The following TLN2 variants were observed in gnomAD, a reference collection of about 807,000 sequenced individuals.
TLN2 encodes talin 2, also known as talin-2.
A neutral mutation model predicts 294.7 loss-of-function variants in TLN2; 118 were observed. The observed-to-expected ratio is 0.40, with a 90% CI of 0.34 to 0.47. TLN2 has a LOEUF of 0.47. TLN2 is among the 20% of genes least tolerant of loss of function. The pLI is 0.84. For missense variants in TLN2, 3,083 were observed against 3,282.2 expected (o/e 0.94, Z 1.48); for synonymous variants, 1,431 against 1,304.5 (o/e 1.10, Z -2.09).
Position 62,686,661 on chromosome 15 carries a change from C to G in TLN2, c.978C>G (p.Asn326Lys). 1.2e-6 allele frequency: 2 copies of G among 1,613,534 alleles called. No homozygotes were observed. Among genetic ancestry groups the G allele is most frequent in the Non-Finnish European group, 1.7e-6 (2 of 1,179,732 alleles). The change falls in exon 12 of 59, where the codon AAC (asparagine) becomes AAG (lysine). Residue 326 changes from asparagine to lysine, a missense_variant. By Grantham distance (94) the Asn-to-Lys change is moderately conservative. Transcript: ENST00000636159. Reference protein sequence around the residue: ...FLVKEKMKGKNKLVPRLLGIT... With the variant: ...FLVKEKMKGKKKLVPRLLGIT... ...TTCAGGAGAAGATGAAAGGCAAGAACAAGCTGGTGCCTCGCCTGCTGGGGA... is the reference window on the plus strand; with the variant it reads ...TTCAGGAGAAGATGAAAGGCAAGAAGAAGCTGGTGCCTCGCCTGCTGGGGA...
intron 14 of TLN2, among the ~76,000 whole-genome samples, chr15:62,695,872 C>T (rs2058292200): frequency 6.6e-6 from 1 of 152,166 alleles, no homozygotes. Flanking sequence ...GCTTTGCTTC[C>T]CATAGGAGCG....
intron 10 of TLN2, among the ~76,000 whole-genome samples, chr15:62,674,853 T>C (rs1286293633): frequency 3.9e-5 from 6 of 152,220 alleles, no homozygotes; most frequent in Non-Finnish European, 1.5e-5. Context: ...AAGAACTTTT[T>C]CTTGGTATCA....
rs776254962 is a variant in TLN2, at chr15:62,835,965, G to A, written c.7266G>A (p.Glu2422=). The A allele has an allele frequency of 1.5e-5, 25 of 1,614,062 alleles. No individual in the cohort carries two copies. The highest frequency in any genetic ancestry group is 3.3e-5 in the South Asian group (3 of 91,078). The stretch of plus-strand genomic sequence containing the variant: ...CCTCCGTTCAGGGACACGCCAGCGA[G>A]GAGAAGCTCATCTCATCTGCCAAGC... ...ANASVQGHAS[E]EKLISSAKQV... The change falls in exon 57 of 59, where the codon GAG becomes GAA. Residue 2422 remains glutamate, a synonymous_variant. Coordinates refer to ENST00000636159, the MANE Select transcript of TLN2 (RefSeq NM_015059.3).
At chr15:62,486,452 GTTT>G (rs34975634) in intron 1 of TLN2, among the ~76,000 whole-genome samples, 7 of 93,286 alleles carry the variant, frequency 7.5e-5, no homozygotes, top group African/African-American at 2.5e-4. Flanking sequence ...CAGTTCCTTT[GTTT>G]TTTTTTTTTT....
chr15:62,675,336 A>G lies in TLN2; in HGVS notation c.957+15A>G, dbSNP rs1486586432. 1.2e-6 allele frequency: 2 copies of G among 1,612,992 alleles called. No homozygotes were observed. The highest frequency in any genetic ancestry group is 2.7e-5 in the African/African-American group (2 of 74,914). On this transcript the variant is annotated intron_variant, in intron 11 of 58. Transcript: ENST00000636159. ...TCCTGGTGAAGGTGAGTTGGGCAGAATGGGGAGAGTGTTCACCTTGGCCCC... is the reference window on the plus strand; with the variant it reads ...TCCTGGTGAAGGTGAGTTGGGCAGAGTGGGGAGAGTGTTCACCTTGGCCCC...
chr15:62,759,046 T>C (rs59334875), intron 37 of TLN2, among the ~76,000 whole-genome samples: 22,233 of 152,068 alleles, frequency 0.15, 2,226 homozygotes, highest in African/African-American at 0.25. Context: ...GGCTTGGGAG[T>C]GTTCTTGTTC....
At chr15:62,417,137 A>G (rs1243367289) in intron 1 of TLN2, among the ~76,000 whole-genome samples, 1 of 152,100 alleles carries the variant, frequency 6.6e-6, no homozygotes, top group African/African-American at 2.4e-5. Flanking sequence ...CCTCCTCCCC[A>G]AGGCATGAAG....
rs146288525 is a variant in TLN2, at chr15:62,651,641, T to C, written c.235-364T>C. Among the ~76,000 whole-genome samples the C allele has an allele frequency of 4.9e-3, 745 of 152,114 alleles. 13 individuals carry two copies. Among genetic ancestry groups the C allele is most frequent in the African/African-American group, 0.017 (718 of 41,494 alleles). ...GGAAGAAATGCAGGTATGTTGACCA[T>C]TAAAATAGGAGAAGTGCAGGGCGGC... On this transcript the variant is annotated intron_variant, in intron 5 of 58. Coordinates refer to ENST00000636159, the MANE Select transcript of TLN2 (RefSeq NM_015059.3).
Position 62,738,289 on chromosome 15 carries a change from T to C in TLN2, c.3643T>C (p.Leu1215=). 6.2e-7 allele frequency: 1 copy of C among 1,614,182 alleles called. No homozygotes were observed. Among genetic ancestry groups the C allele is most frequent in the Admixed American group, 1.7e-5 (1 of 60,032 alleles). The change falls in exon 30 of 59, where the codon TTG becomes CTG. Residue 1215 remains leucine, a synonymous_variant. Transcript: ENST00000636159. ...TGGGCAGAAGGATGTGGACGTGGCC[T>C]TGAAGAGCATCGGGGAGTCCAGCAA... The part of the protein sequence containing the change: ...LPGQKDVDVA[L]KSIGESSKKL...
At chr15:62,551,591 C>G (rs1353935311) in intron 1 of TLN2, among the ~76,000 whole-genome samples, 1 of 151,962 alleles carries the variant, frequency 6.6e-6, no homozygotes, top group African/African-American at 2.4e-5. Flanking sequence ...CCCAGCTACT[C>G]GGGAGGCTAA....
chr15:62,402,671 A>G (rs917280664), intron 1 of TLN2, among the ~76,000 whole-genome samples: 1 of 152,140 alleles, frequency 6.6e-6, no homozygotes, highest in African/African-American at 2.4e-5. Context: ...ACAAACCTCA[A>G]GGGGACTCTT....
At position 62,739,341 on chromosome 15, in the gene TLN2, C is replaced by T. The variant is rs748740660; in HGVS notation, c.3688-7C>T. 9.9e-6 allele frequency: 16 copies of T among 1,611,252 alleles called. No homozygotes were observed. Among genetic ancestry groups the T allele is most frequent in the Non-Finnish European group, 1.3e-5 (15 of 1,178,740 alleles). On this transcript the variant is annotated splice_region_variant and splice_polypyrimidine_tract_variant and intron_variant, in intron 30 of 58. Transcript: ENST00000636159. ...GTCTCATGGGGTGTGCCGTCTGTTCCCCACAGCTACCTCCAAGCACGAAGC... is the reference window on the plus strand; with the variant it reads ...GTCTCATGGGGTGTGCCGTCTGTTCTCCACAGCTACCTCCAAGCACGAAGC...
Position 62,722,634 on chromosome 15 carries a change from T to C in TLN2, c.3126+147T>C, listed in dbSNP as rs554401001. 114 of 1,043,494 alleles carry C rather than the reference T, an allele frequency of 1.1e-4. 1 individual carries two copies. In the South Asian group the frequency reaches 3.2e-3, roughly 29 times the overall value. The allele number at this position is 1,043,494 out of a possible 1,614,324, so 64.6% of individuals were successfully genotyped here. On this transcript the variant is annotated intron_variant, in intron 26 of 58. Coordinates refer to ENST00000636159, the MANE Select transcript of TLN2 (RefSeq NM_015059.3). ...TGACTATTAAAGATGCCCCTGTGGG[T>C]TGGCTTTTGTTGCATTAAGCCACTA...
chr15:62,492,780 A>G (rs1412763310), intron 1 of TLN2, among the ~76,000 whole-genome samples: 2 of 152,114 alleles, frequency 1.3e-5, no homozygotes, highest in African/African-American at 2.4e-5. Flanking sequence ...GCCTTTTGTT[A>G]TGGTAGAATT....
chr15:62,703,207 A>G (rs1325983423), intron 19 of TLN2, among the ~76,000 whole-genome samples: 1 of 151,622 alleles, frequency 6.6e-6, no homozygotes, highest in Non-Finnish European at 1.5e-5. Context: ...GGTTCAAGCA[A>G]TTCTCCTGCC....
chr15:62,495,794 A>G (rs1425017472), intron 1 of TLN2, among the ~76,000 whole-genome samples: 1 of 152,158 alleles, frequency 6.6e-6, no homozygotes, highest in Non-Finnish European at 1.5e-5. Flanking sequence ...CCTTTTATTA[A>G]CGAAATTGTA....
chr15:62,572,563 A>C (rs757791327), intron 1 of TLN2, among the ~76,000 whole-genome samples: 3 of 152,154 alleles, frequency 2.0e-5, no homozygotes, highest in Non-Finnish European at 4.4e-5. Flanking sequence ...CCTACTCTCC[A>C]GATCTACTCT....
At chr15:62,720,114 C>A (rs1038106755) in intron 25 of TLN2, among the ~76,000 whole-genome samples, 3 of 152,224 alleles carry the variant, frequency 2.0e-5, no homozygotes, top group Admixed American at 1.3e-4. Flanking sequence ...GTTCCGTTTT[C>A]CTCAGGATTA....
At chr15:62,449,725 A>G (rs1174997963) in intron 1 of TLN2, among the ~76,000 whole-genome samples, 2 of 152,162 alleles carry the variant, frequency 1.3e-5, no homozygotes, top group African/African-American at 4.8e-5. Flanking sequence ...GCAGTGAGCT[A>G]TGATCAAGCC....
Sources: allele counts gnomAD v4.1 joint callset (sites outside exome capture counted in the v4.1 genomes callset), GRCh38; gene constraint gnomAD v4.1.1; transcripts MANE v1.5; gene names NCBI Gene and HGNC (gene_info 2026-07-23, HGNC 2026-07-21).